Variants in GFRA2 observed in about 807,000 individuals in gnomAD.
GFRA2 encodes the protein GDNF family receptor alpha 2.
A neutral mutation model predicts 48.3 loss-of-function variants in GFRA2; 17 were observed. The observed-to-expected ratio is 0.35, with a 90% CI of 0.24 to 0.53. The LOEUF (loss-of-function observed/expected upper bound fraction) is 0.53, where lower values mean the gene tolerates loss of function less well. GFRA2 is among the 20% of genes least tolerant of loss of function. GFRA2 has a pLI of 0.93. For missense variants in GFRA2, 660 were observed against 637.3 expected (o/e 1.04, Z -0.38); for synonymous variants, 305 against 257.2 (o/e 1.19, Z -1.78).
intron 4 of GFRA2, among the ~76,000 whole-genome samples, chr8:21,735,374 C>T (rs186320191): frequency 1.3e-5 from 2 of 151,990 alleles, no homozygotes; most frequent in Non-Finnish European, 2.9e-5. Context: ...ACCAAGCCCC[C>T]CCCCAATCCA....
At position 21,741,515 on chromosome 8, in the gene GFRA2, C is replaced by G. The variant is rs199540127; in HGVS notation, c.794+9073G>C. Among the ~76,000 whole-genome samples the G allele has an allele frequency of 3.9e-5, 6 of 152,276 alleles. No individual in the cohort carries two copies. In the South Asian group the frequency reaches 8.3e-4, roughly 21 times the overall value. On this transcript the variant is annotated intron_variant, in intron 4 of 8. Coordinates refer to ENST00000524240, the MANE Select transcript of GFRA2 (RefSeq NM_001495.5). ...TGTGCTTGCTCACCATCTGCCTCCT[C>G]CATCAGACTGTCAGCTCCAAGGGGG... is the stretch of plus-strand genomic sequence containing the variant.
At chr8:21,795,878 T>A (rs965916843) in intron 2 of GFRA2, among the ~76,000 whole-genome samples, 1 of 152,158 alleles carries the variant, frequency 6.6e-6, no homozygotes, top group South Asian at 2.1e-4. Context: ...TGTCCCACAA[T>A]AGGGGCTCAT....
intron 4 of GFRA2, among the ~76,000 whole-genome samples, chr8:21,741,189 G>A (rs778826289): frequency 5.3e-5 from 8 of 152,212 alleles, no homozygotes; most frequent in Non-Finnish European, 7.4e-5. Flanking sequence ...GTGAGGCCCC[G>A]AGTGATCTGG....
At chr8:21,812,342 T>G (rs1248806051) in exon 1 of GFRA2, 1 of 152,326 alleles carries the variant, frequency 6.6e-6, no homozygotes, top group Non-Finnish European at 1.5e-5. Context: ...GGGTCTCAGC[T>G]GCTGGCTCCA....
intron 1 of GFRA2, among the ~76,000 whole-genome samples, chr8:21,805,610 C>A (rs995677891): frequency 6.6e-6 from 1 of 152,106 alleles, no homozygotes; most frequent in African/African-American, 2.4e-5. Flanking sequence ...CTGGTTACCC[C>A]CACTACATGA....
At chr8:21,702,762 G>A (rs367666172) in intron 7 of GFRA2, 43 bp downstream of exon 7, 15 of 1,519,488 alleles carry the variant, frequency 9.9e-6, no homozygotes, top group African/African-American at 8.7e-5. Context: ...TGCCACTTCC[G>A]GTGCCATGGT....
rs530547589 is a variant in GFRA2, at chr8:21,738,441, A to C, written c.794+12147T>G. The stretch of plus-strand genomic sequence containing the variant: ...CATCACATTTCAGCTTCCTTAAGGG[A>C]GTCTCTGTCTCCAGCCTTGCTCTCC... On this transcript the variant is annotated intron_variant, in intron 4 of 8. Coordinates refer to ENST00000524240, the MANE Select transcript of GFRA2 (RefSeq NM_001495.5). 3.3e-5 allele frequency among the ~76,000 whole-genome samples: 5 copies of C among 151,432 alleles called. No individual in the cohort carries two copies. In the East Asian group the frequency reaches 9.8e-4, roughly 30 times the overall value.
intron 4 of GFRA2, among the ~76,000 whole-genome samples, chr8:21,740,820 T>C (rs1028040397): frequency 2.0e-5 from 3 of 152,236 alleles, no homozygotes; most frequent in Non-Finnish European, 2.9e-5. Context: ...CATCTCAGAA[T>C]GTTACACCAT....
chr8:21,770,871 G>A (rs1267106425), intron 3 of GFRA2, among the ~76,000 whole-genome samples: 1 of 152,024 alleles, frequency 6.6e-6, no homozygotes, highest in African/African-American at 2.4e-5. Context: ...CCTTCCCTCC[G>A]CAATCTCTCT....
intron 3 of GFRA2, among the ~76,000 whole-genome samples, chr8:21,765,110 T>G (rs1244711048): frequency 7.1e-6 from 1 of 140,984 alleles, no homozygotes; most frequent in East Asian, 2.2e-4. Context: ...CTTTTTATTT[T>G]TTATTTATTT....
At chr8:21,742,940 T>G (rs1411832825) in intron 4 of GFRA2, among the ~76,000 whole-genome samples, 1 of 152,216 alleles carries the variant, frequency 6.6e-6, no homozygotes, top group Non-Finnish European at 1.5e-5. Flanking sequence ...TGCCAAGCAG[T>G]AGCAGCCACA....
intron 2 of GFRA2, among the ~76,000 whole-genome samples, chr8:21,796,171 T>C (rs990253384): frequency 1.9e-4 from 29 of 152,314 alleles, no homozygotes; most frequent in African/African-American, 7.0e-4. Context: ...ACTCCCTCTG[T>C]AGTTGGCACT....
Position 21,710,272 on chromosome 8 carries a change from G to A in GFRA2, c.795-4231C>T, listed in dbSNP as rs1353269362. Among the ~76,000 whole-genome samples the A allele has an allele frequency of 2.6e-5, 4 of 152,178 alleles. No homozygotes were observed. The South Asian group carries it at 6.2e-4, about 24-fold the overall frequency. ...AGCTAAGGAGACAATGAGTGAGGGC[G>A]CTTGGAATGGCAGGCGCCCGATGGA... On this transcript the variant is annotated intron_variant, in intron 4 of 8. Coordinates refer to ENST00000524240, the MANE Select transcript of GFRA2 (RefSeq NM_001495.5).
Position 21,782,768 on chromosome 8 carries a change from G to T in GFRA2, c.172C>A (p.Arg58Ser). ...CCTGCCAGGCACTGCCGCAGAGTGC[G>T]GTAGCGAGAGCTGCAGTTGGATTCG... Reference protein sequence around the residue: ...AAESNCSSRYRTLRQCLAGRD... With the variant: ...AAESNCSSRYSTLRQCLAGRD... The change falls in exon 2 of 9, where the codon CGC becomes AGC. Residue 58 changes from arginine to serine, a missense_variant. By Grantham distance (110) the Arg-to-Ser change is moderately radical. Coordinates refer to ENST00000524240, the MANE Select transcript of GFRA2 (RefSeq NM_001495.5). 3 of 1,592,700 alleles carry T rather than the reference G, an allele frequency of 1.9e-6. No homozygotes were observed. The highest frequency in any genetic ancestry group is 2.6e-6 in the Non-Finnish European group (3 of 1,171,758).
At chr8:21,733,600 C>T (rs568546306) in intron 4 of GFRA2, among the ~76,000 whole-genome samples, 215 of 152,284 alleles carry the variant, frequency 1.4e-3, no homozygotes, top group African/African-American at 4.9e-3. Context: ...CGAATAGGAC[C>T]CGTGGCTGAG....
rs1398810647 is a variant in GFRA2 at position 21,728,275 on chromosome 8, T to TG, written c.795-22235_795-22234insC. On this transcript the variant is annotated intron_variant, in intron 4 of 8. Coordinates refer to ENST00000524240, the MANE Select transcript of GFRA2 (RefSeq NM_001495.5). ...GACTCCGGGAACCAGGTTTTTTTTT[T>TG]TTTTTTTTTTTTTTTTTGAGATGGA... Among the ~76,000 whole-genome samples, 9 of 136,222 alleles carry TG rather than the reference T, an allele frequency of 6.6e-5. No individual in the cohort carries two copies. In the East Asian group the frequency reaches 1.3e-3, roughly 20 times the overall value. The allele number at this position is 136,222 out of a possible 152,430, so 89.4% of individuals were successfully genotyped here. A position where few individuals can be genotyped will look rare whatever the true frequency, so the allele number is the denominator to read the frequency against.
In GFRA2 at chr8:21,767,553, G is replaced by A. The variant is rs867970645; in HGVS notation, c.439+7419C>T. On this transcript the variant is annotated intron_variant, in intron 3 of 8. Transcript: ENST00000524240. ...TTGCAGTTGATGGCGAAGCCAGGGCGTGCTCAGGGAGCCCGGAGCCCCACC... is the reference window on the plus strand; with the variant it reads ...TTGCAGTTGATGGCGAAGCCAGGGCATGCTCAGGGAGCCCGGAGCCCCACC... Among the ~76,000 whole-genome samples the A allele has an allele frequency of 8.9e-3, 1,362 of 152,348 alleles. 21 individuals are homozygous for A. The highest frequency in any genetic ancestry group is 0.031 in the African/African-American group (1,278 of 41,588).
chr8:21,706,346 C>T (rs750389908), intron 4 of GFRA2: 8 of 518,644 alleles, frequency 1.5e-5, no homozygotes, highest in Non-Finnish European at 3.0e-5. Context: ...CTCTTTTAGG[C>T]TGGAGCCGGG....
At chr8:21,717,254 C>A (rs1466086897) in intron 4 of GFRA2, among the ~76,000 whole-genome samples, 1 of 152,170 alleles carries the variant, frequency 6.6e-6, no homozygotes, top group Admixed American at 6.5e-5. Context: ...GATTATTTCT[C>A]CAGCTTAACT....
Sources: gnomAD v4.1 joint callset for allele counts (sites outside exome capture counted in the v4.1 genomes callset) on GRCh38, gnomAD v4.1.1 for gene constraint, MANE v1.5 for transcripts, NCBI Gene and HGNC (gene_info 2026-07-23, HGNC 2026-07-21) for gene names.